The following USP7 variants were observed in gnomAD, a reference collection of about 807,000 sequenced individuals.
USP7 encodes ubiquitin C-terminal hydrolase 7.
Under a neutral mutation model 162.9 loss-of-function variants are expected in USP7, and 9 were observed. The ratio of observed to expected loss-of-function variants is 0.06; its 90% CI spans 0.03 to 0.10. The LOEUF (loss-of-function observed/expected upper bound fraction) is 0.10, where lower values mean the gene tolerates loss of function less well. Ranked by LOEUF, USP7 falls within the 10% of genes least tolerant of loss-of-function variation. The probability of loss-of-function intolerance (pLI) is 1.00; values close to 1 mark genes in which losing one functional copy is unlikely to be tolerated. For synonymous variants in USP7, 562 were observed against 475.9 expected (o/e 1.18, Z -2.35); for missense variants, 715 against 1,373.7 (o/e 0.52, Z 7.58).
chr16:8,904,970 A>C (rs1431375015), intron 14 of USP7, among the ~76,000 whole-genome samples: 2 of 152,104 alleles, frequency 1.3e-5, no homozygotes, highest in Non-Finnish European at 2.9e-5. Flanking sequence ...ACTCCGTCTC[A>C]AAAAAATAAA....
intron 1 of USP7, among the ~76,000 whole-genome samples, chr16:8,954,683 C>T (rs1899710526): frequency 6.6e-6 from 1 of 152,194 alleles, no homozygotes. Context: ...AGTTTAATAA[C>T]AGCAATTGCA....
chr16:8,918,557 C>T (rs1022097279), intron 6 of USP7, among the ~76,000 whole-genome samples: 1 of 152,184 alleles, frequency 6.6e-6, no homozygotes, highest in East Asian at 1.9e-4. Context: ...TGCCTATAAT[C>T]TGAGCCCCTT....
At position 8,957,544 on chromosome 16, in the gene USP7, C is replaced by T. The variant is rs76020431; in HGVS notation, c.79+5663G>A. On this transcript the variant is annotated intron_variant, in intron 1 of 30. Transcript: ENST00000344836. ...GGATTGCTTGAGACCAGGAATTCCACACCAGCCTGAACATAGCAAGACCCC... is the reference window on the plus strand; with the variant it reads ...GGATTGCTTGAGACCAGGAATTCCATACCAGCCTGAACATAGCAAGACCCC... 2.8e-4 allele frequency among the ~76,000 whole-genome samples: 43 copies of T among 151,070 alleles called. No homozygotes were observed. In the East Asian group the frequency reaches 7.7e-3, roughly 27 times the overall value.
At chr16:8,963,080 G>A (rs1900086553) in intron 1 of USP7, 127 bp downstream of exon 1, 3 of 868,978 alleles carry the variant, frequency 3.5e-6, no homozygotes, top group Non-Finnish European at 4.4e-6. Flanking sequence ...CGGGAGGCCA[G>A]GCCGAGGCCC....
intron 10 of USP7, among the ~76,000 whole-genome samples, chr16:8,914,207 CAAGG>C (rs1378392355): frequency 6.6e-6 from 1 of 152,052 alleles, no homozygotes; most frequent in Non-Finnish European, 1.5e-5. Flanking sequence ...CACTGATCTT[CAAGG>C]AAATACAAAC....
chr16:8,900,099 T>C, intron 21 of USP7: 1 of 397,264 alleles, frequency 2.5e-6, no homozygotes, highest in Non-Finnish European at 4.5e-6. Flanking sequence ...GCCCAGTCTC[T>C]GACCGTGAGT....
At chr16:8,913,489 A>C (rs2061981075) in intron 10 of USP7, among the ~76,000 whole-genome samples, 1 of 152,038 alleles carries the variant, frequency 6.6e-6, no homozygotes, top group Admixed American at 6.5e-5. Context: ...CTCAGAAATG[A>C]GGCGAGCAAG....
intron 1 of USP7, among the ~76,000 whole-genome samples, chr16:8,949,946 A>C (rs1899474420): frequency 6.6e-6 from 1 of 152,206 alleles, no homozygotes; most frequent in South Asian, 2.1e-4. Flanking sequence ...TATCCCCTAG[A>C]ATAGCAAAGG....
intron 3 of USP7, among the ~76,000 whole-genome samples, chr16:8,922,837 T>C (rs929995350): frequency 6.6e-6 from 1 of 152,214 alleles, no homozygotes; most frequent in African/African-American, 2.4e-5. Flanking sequence ...ATGTTTTACT[T>C]GTACTTTCTG....
In USP7 at chr16:8,899,697, G is replaced by A. The variant is rs770725411; in HGVS notation, c.2370C>T (p.Leu790=). 4 of 1,613,820 alleles carry A rather than the reference G, an allele frequency of 2.5e-6. No individual in the cohort carries two copies. Among genetic ancestry groups the A allele is most frequent in the Non-Finnish European group, 3.4e-6 (4 of 1,179,934 alleles). ...AGAAAATGACATCAACGCGGTGGTA[G>A]AGATCTCGGAAATACTCCTTTGCGG... ...LPTAKEYFRD[L]YHRVDVIFCD... is the part of the protein sequence containing the mutation. The change falls in exon 22 of 31, where the codon CTC becomes CTT. Residue 790 remains leucine, a synonymous_variant. Transcript: ENST00000344836.
At chr16:8,920,630 T>C (rs1897634661) in intron 4 of USP7, among the ~76,000 whole-genome samples, 183 bp from the exon 5 acceptor site, 1 of 152,150 alleles carries the variant, frequency 6.6e-6, no homozygotes, top group Admixed American at 6.5e-5. Context: ...TCACAACAAA[T>C]ACAGCAAATG....
chr16:8,946,810 C>T (rs910958592), intron 1 of USP7, among the ~76,000 whole-genome samples: 1 of 152,218 alleles, frequency 6.6e-6, no homozygotes, highest in Non-Finnish European at 1.5e-5. Flanking sequence ...CAGCAGCAGG[C>T]GTTTCCAACA....
chr16:8,948,837 G>C (rs902347371), intron 1 of USP7, among the ~76,000 whole-genome samples: 1 of 152,140 alleles, frequency 6.6e-6, no homozygotes, highest in African/African-American at 2.4e-5. Context: ...GGTGGCGTGT[G>C]CCTGCAGTTC....
chr16:8,902,656 G>T (rs539042927), intron 16 of USP7, among the ~76,000 whole-genome samples, 174 bp from the exon 17 acceptor site: 2 of 152,188 alleles, frequency 1.3e-5, no homozygotes, highest in African/African-American at 2.4e-5. Context: ...TTCGGAGGCC[G>T]AGGCAGGTGG....
Position 8,952,249 on chromosome 16 carries a change from A to C in USP7, c.79+10958T>G, listed in dbSNP as rs551915760. 1.6e-4 allele frequency among the ~76,000 whole-genome samples: 25 copies of C among 152,264 alleles called. No individual in the cohort carries two copies. The South Asian group carries it at 4.4e-3, about 27-fold the overall frequency. On this transcript the variant is annotated intron_variant, in intron 1 of 30. Coordinates refer to ENST00000344836, the MANE Select transcript of USP7 (RefSeq NM_003470.3). Reference sequence around the variant, plus strand: ...TGGGCACGAGGGAGAGCCTGTCTCCAAAAAAATATTAATTAAAATTCAGTA... The same window carrying C: ...TGGGCACGAGGGAGAGCCTGTCTCCCAAAAAATATTAATTAAAATTCAGTA...
chr16:8,894,046 C>G lies in USP7; in HGVS notation c.3261G>C (p.Lys1087Asn). 1.2e-6 allele frequency: 2 copies of G among 1,614,220 alleles called. No homozygotes were observed. Among genetic ancestry groups the G allele is most frequent in the Non-Finnish European group, 1.7e-6 (2 of 1,180,054 alleles). ...LGLDHFNKAP[K>N]RSRYTYLEKA... ...TTTCAAGGTAAGTGTAGCGACTCCT[C>G]TTTGGGGCTTTGTTGAAGTGGTCGA... is the stretch of plus-strand genomic sequence containing the variant. Residue 1087 changes from lysine to asparagine, a missense_variant, in exon 31 of 31, where the codon AAG (lysine) becomes AAC (asparagine). Physicochemically the swap from Lys to Asn is moderately conservative, Grantham distance 94. Coordinates refer to ENST00000344836, the MANE Select transcript of USP7 (RefSeq NM_003470.3).
At chr16:8,928,199 T>A (rs2141225758) in intron 2 of USP7, among the ~76,000 whole-genome samples, 1 of 152,346 alleles carries the variant, frequency 6.6e-6, no homozygotes, top group Non-Finnish European at 1.5e-5. Flanking sequence ...ACAAGAAATG[T>A]CCCTTACTAA....
Position 8,923,267 on chromosome 16 carries a change from G to A in USP7, c.331C>T (p.His111Tyr). The A allele has an allele frequency of 7.2e-7, 1 of 1,394,922 alleles. No individual in the cohort carries two copies. The highest frequency in any genetic ancestry group is 9.4e-7 in the Non-Finnish European group (1 of 1,060,654). The allele number at this position is 1,394,922 out of a possible 1,614,324, so 86.4% of individuals were successfully genotyped here. The change falls in exon 3 of 31, where the codon CAC (histidine) becomes TAC (tyrosine). Residue 111 changes from histidine (H) to tyrosine (Y), a missense_variant. His to Tyr is a moderately conservative substitution (Grantham distance 83). Coordinates refer to ENST00000344836, the MANE Select transcript of USP7 (RefSeq NM_003470.3). ...AGAAAGAATCCTACGCTTTTTTGGT[G>A]TGGTCTGTCTGGATAAAAGCGTGGC... ...VMPRFYPDRP[H>Y]QKSVGFFLQC...
At chr16:8,900,800 T>G in intron 20 of USP7, 170 bp from the exon 21 acceptor site, 1 of 714,894 alleles carries the variant, frequency 1.4e-6, no homozygotes, top group South Asian at 2.0e-5. Context: ...TATGTAACAA[T>G]CAGATTTGAT....
Sources: gnomAD v4.1 joint callset for allele counts (sites outside exome capture counted in the v4.1 genomes callset) on GRCh38, gnomAD v4.1.1 for gene constraint, MANE v1.5 for transcripts, NCBI Gene and HGNC (gene_info 2026-07-23, HGNC 2026-07-21) for gene names.